NDST4: variants seen among roughly 807,000 people sequenced by gnomAD.
NDST4 encodes the protein N-heparan sulfate sulfotransferase 4.
In NDST4, 63 loss-of-function variants were observed where a neutral mutation model predicts 100.8. That is an observed-to-expected ratio of 0.62 (90% CI 0.51 to 0.77). NDST4 has a LOEUF of 0.77. Ranked by LOEUF, NDST4 falls within the 30% of genes least tolerant of loss-of-function variation. The pLI is 0.00. For synonymous variants in NDST4, 377 were observed against 361.8 expected, an observed-to-expected ratio of 1.04 and a Z score of -0.48; for missense variants, 943 against 1,018.4, an observed-to-expected ratio of 0.93 and a Z score of 1.01.
chr4:115,039,622 T>C (rs1728306824), intron 2 of NDST4, among the ~76,000 whole-genome samples: 1 of 152,070 alleles, frequency 6.6e-6, no homozygotes, highest in African/African-American at 2.4e-5. Flanking sequence ...AAATAAAAAA[T>C]TTGCATCGTC....
intron 6 of NDST4, among the ~76,000 whole-genome samples, chr4:114,885,752 C>G (rs965672127): frequency 6.6e-6 from 1 of 152,016 alleles, no homozygotes; most frequent in East Asian, 1.9e-4. Context: ...ATACTGCTTA[C>G]TGTATTTTAA....
chr4:115,026,430 T>TACAC lies in NDST4; in HGVS notation c.979-49160_979-49157dup, dbSNP rs57524504. Among the ~76,000 whole-genome samples the TACAC allele has an allele frequency of 7.6e-3, 1,132 of 148,638 alleles. 4 individuals carry two copies. Among genetic ancestry groups the TACAC allele is most frequent in the South Asian group, 0.022 (100 of 4,624 alleles). On this transcript the variant is annotated intron_variant, in intron 2 of 13. Coordinates refer to ENST00000264363, the MANE Select transcript of NDST4 (RefSeq NM_022569.3). ...CTCATAGTCTTATTTTTTTTTAAAG[T>TACAC]ACACACACACACACACACACACACA...
In NDST4 at chr4:115,065,203, G is replaced by A. The variant is rs144322816; in HGVS notation, c.978+10856C>T. On this transcript the variant is annotated intron_variant, in intron 2 of 13. Transcript: ENST00000264363. ...CAAGATGGGCTGAGTCTATCTTACC[G>A]GCCAAACTCTGTCTTAGCTACTTTC... Among the ~76,000 whole-genome samples the A allele has an allele frequency of 3.7e-3, 567 of 151,524 alleles. 3 individuals are homozygous for A. The highest frequency in any genetic ancestry group is 4.6e-3 in the South Asian group (22 of 4,774).
intron 4 of NDST4, among the ~76,000 whole-genome samples, chr4:114,941,089 G>A (rs1226143039): frequency 6.6e-6 from 1 of 152,160 alleles, no homozygotes. Flanking sequence ...CTTCTACCTA[G>A]TATTTTCCTG....
intron 2 of NDST4, among the ~76,000 whole-genome samples, chr4:115,063,210 T>TA (rs1388471814): frequency 1.3e-5 from 2 of 151,932 alleles, no homozygotes; most frequent in Admixed American, 6.6e-5. Context: ...TTCAAAATTA[T>TA]AAAAATAAAG....
intron 2 of NDST4, among the ~76,000 whole-genome samples, chr4:115,042,735 A>G (rs1398964437): frequency 6.6e-6 from 1 of 152,050 alleles, no homozygotes; most frequent in African/African-American, 2.4e-5. Context: ...TGCACTCATT[A>G]TATACTAGGC....
Position 115,077,111 on chromosome 4 carries a change from G to T in NDST4, c.-75C>A. On this transcript the variant is annotated 5_prime_UTR_variant, in exon 2 of 14. Coordinates refer to ENST00000264363, the MANE Select transcript of NDST4 (RefSeq NM_022569.3). ...TGCCATAGTGAATAAAGTATGAGATGTTGCAAATATCACTTCCCCAGAGTT... is the reference window on the plus strand; with the variant it reads ...TGCCATAGTGAATAAAGTATGAGATTTTGCAAATATCACTTCCCCAGAGTT... 1 of 1,337,166 alleles carries T rather than the reference G, an allele frequency of 7.5e-7. No homozygotes were observed. Among genetic ancestry groups the T allele is most frequent in the Non-Finnish European group, 1.0e-6 (1 of 990,538 alleles). 82.8% of individuals were successfully genotyped at this position (1,337,166 alleles called of 1,614,324 possible).
At chr4:114,843,265 A>G (rs1723471157) in intron 10 of NDST4, among the ~76,000 whole-genome samples, 1 of 152,364 alleles carries the variant, frequency 6.6e-6, no homozygotes, top group African/African-American at 2.4e-5. Flanking sequence ...AAAAGTTAAG[A>G]ACTCAGAATG....
intron 2 of NDST4, among the ~76,000 whole-genome samples, chr4:115,024,127 AG>A (rs1418523137): frequency 6.6e-6 from 1 of 152,144 alleles, no homozygotes; most frequent in African/African-American, 2.4e-5. Context: ...ACCTCCTCAC[AG>A]GGGAAGAGCC....
chr4:115,050,241 T>A (rs949356512), intron 2 of NDST4, among the ~76,000 whole-genome samples: 7 of 152,114 alleles, frequency 4.6e-5, no homozygotes, highest in African/African-American at 1.7e-4. Flanking sequence ...CCCTGGAGAA[T>A]CAGAATCCTC....
At chr4:114,868,685 A>G (rs1239713295) in intron 7 of NDST4, among the ~76,000 whole-genome samples, 1 of 151,942 alleles carries the variant, frequency 6.6e-6, no homozygotes, top group African/African-American at 2.4e-5. Context: ...AAGTAACCAT[A>G]TAAATAATAT....
rs533995756 is a variant in NDST4 at position 115,067,793 on chromosome 4, T to G, written c.978+8266A>C. On this transcript the variant is annotated intron_variant, in intron 2 of 13. Transcript: ENST00000264363. Reference sequence around the variant, plus strand: ...AGTTCTAGGGTACATGTGCACAACGTGCAGGTTTGTCACATATGTATACAT... The same window carrying G: ...AGTTCTAGGGTACATGTGCACAACGGGCAGGTTTGTCACATATGTATACAT... Among the ~76,000 whole-genome samples, 72 of 152,192 alleles carry G rather than the reference T, an allele frequency of 4.7e-4. No homozygotes were observed. The East Asian group carries it at 0.01, about 22-fold the overall frequency.
chr4:115,007,616 G>A (rs1727450802), intron 2 of NDST4, among the ~76,000 whole-genome samples: 1 of 67,438 alleles, frequency 1.5e-5, no homozygotes, highest in Non-Finnish European at 3.1e-5. Context: ...CCAAGAGATA[G>A]AAGGACTGAT....
intron 4 of NDST4, among the ~76,000 whole-genome samples, chr4:114,955,127 A>G (rs1726109721): frequency 6.6e-6 from 1 of 152,124 alleles, no homozygotes; most frequent in African/African-American, 2.4e-5. Context: ...TTTTCATACT[A>G]CATGTATGAA....
Position 114,877,030 on chromosome 4 carries a change from G to A in NDST4, c.1537-6080C>T, listed in dbSNP as rs145841394. On this transcript the variant is annotated intron_variant, in intron 6 of 13. Transcript: ENST00000264363. ...AAGCGGATTGCACGCTTAATGATTT[G>A]TTAAGAGAGTAGTTCCTATATTAAG... is the stretch of plus-strand genomic sequence containing the variant. Among the ~76,000 whole-genome samples the A allele has an allele frequency of 3.8e-3, 582 of 151,952 alleles. 3 individuals carry two copies. The highest frequency in any genetic ancestry group is 5.6e-3 in the Non-Finnish European group (381 of 67,986).
At chr4:114,977,139 A>C in intron 3 of NDST4, 48 bp downstream of exon 3, 1 of 1,170,390 alleles carries the variant, frequency 8.5e-7, no homozygotes, top group Non-Finnish European at 1.2e-6. Flanking sequence ...TTCAAAATTT[A>C]TTTCCTATTT....
At chr4:115,021,528 C>T (rs556391712) in intron 2 of NDST4, among the ~76,000 whole-genome samples, 93 of 88,168 alleles carry the variant, frequency 1.1e-3, no homozygotes, top group South Asian at 2.1e-3. Context: ...TCCATATATA[C>T]ACACGTTCCA....
chr4:114,839,373 A>T lies in NDST4; in HGVS notation c.2286+5T>A, dbSNP rs766545996. 1.2e-6 allele frequency: 2 copies of T among 1,604,806 alleles called. No homozygotes were observed. Among genetic ancestry groups the T allele is most frequent in the Non-Finnish European group, 1.7e-6 (2 of 1,174,408 alleles). The stretch of plus-strand genomic sequence containing the variant: ...AAACAGAAGAAAGTAATTTCAGGAC[A>T]TTACCTGAGAAGTAGCAAAGTAAGT... On this transcript the variant is annotated splice_donor_5th_base_variant and intron_variant, in intron 11 of 13. Coordinates refer to ENST00000264363, the MANE Select transcript of NDST4 (RefSeq NM_022569.3).
intron 6 of NDST4, among the ~76,000 whole-genome samples, chr4:114,898,191 T>G (rs1273164191): frequency 6.6e-6 from 1 of 152,228 alleles, no homozygotes; most frequent in Admixed American, 6.5e-5. Context: ...TTTTAGGTCT[T>G]AAATTTAGGT....
Sources: allele counts gnomAD v4.1 joint callset (sites outside exome capture counted in the v4.1 genomes callset), GRCh38; gene constraint gnomAD v4.1.1; transcripts MANE v1.5; gene names NCBI Gene and HGNC (gene_info 2026-07-23, HGNC 2026-07-21).